The following NCKAP5 variants were observed in gnomAD, a reference collection of about 807,000 sequenced individuals.
The protein encoded by NCKAP5 is nck-associated protein 5.
NCKAP5 carries 92 observed loss-of-function variants against 167.0 expected under a neutral mutation model. The ratio of observed to expected loss-of-function variants is 0.55; its 90% confidence interval spans 0.47 to 0.66. NCKAP5 has a LOEUF of 0.66. NCKAP5 is among the 30% of genes least tolerant of loss of function. The probability of loss-of-function intolerance (pLI) is 0.00; values close to 1 mark genes in which losing one functional copy is unlikely to be tolerated. For synonymous variants in NCKAP5, 891 were observed against 877.4 expected (o/e 1.02, Z -0.27); for missense variants, 2,378 against 2,315.0 (o/e 1.03, Z -0.56).
At chr2:133,349,171 A>G (rs1000910878) in intron 3 of NCKAP5, among the ~76,000 whole-genome samples, 1 of 152,180 alleles carries the variant, frequency 6.6e-6, no homozygotes, top group Non-Finnish European at 1.5e-5. Flanking sequence ...CAAGGCCTAT[A>G]TTCCCCCATT....
chr2:133,318,980 T>C (rs1681820953), intron 3 of NCKAP5, among the ~76,000 whole-genome samples: 1 of 152,132 alleles, frequency 6.6e-6, no homozygotes, highest in Non-Finnish European at 1.5e-5. Flanking sequence ...ATGCAACTTC[T>C]CTGGCCTTTC....
intron 3 of NCKAP5, among the ~76,000 whole-genome samples, chr2:133,440,777 C>T (rs1690797056): frequency 1.3e-5 from 2 of 148,330 alleles, no homozygotes; most frequent in South Asian, 2.2e-4. Context: ...GTATGGTGCT[C>T]ATTGGCTTGG....
Position 133,519,483 on chromosome 2 carries a change from C to T in NCKAP5, c.-61-1896G>A, listed in dbSNP as rs188561944. Among the ~76,000 whole-genome samples the T allele has an allele frequency of 3.0e-4, 46 of 152,264 alleles. No homozygotes were observed. In the East Asian group the frequency reaches 8.3e-3, roughly 27 times the overall value. On this transcript the variant is annotated intron_variant, in intron 2 of 19. Coordinates refer to ENST00000409261, the MANE Select transcript of NCKAP5 (RefSeq NM_207363.3). ...TCCTGCCTACTTTGTAGCATTCTCC[C>T]TCTCCCCCAGTCTCAGTGACTGTAA...
chr2:132,788,755 C>A (rs1282821705), intron 13 of NCKAP5, among the ~76,000 whole-genome samples: 3 of 152,154 alleles, frequency 2.0e-5, no homozygotes, highest in Non-Finnish European at 2.9e-5. Flanking sequence ...TCAAAAAGCA[C>A]AATCAATAAT....
chr2:133,392,052 C>G (rs1413860538), intron 3 of NCKAP5, among the ~76,000 whole-genome samples: 1 of 152,188 alleles, frequency 6.6e-6, no homozygotes. Flanking sequence ...CACCCCATCC[C>G]ACATACACAC....
chr2:132,750,647 C>T (rs1423352281), intron 16 of NCKAP5, among the ~76,000 whole-genome samples: 1 of 151,970 alleles, frequency 6.6e-6, no homozygotes, highest in East Asian at 1.9e-4. Flanking sequence ...ATGCTGGAGG[C>T]CACATTAGAA....
chr2:133,649,342 CA>C, the NCKAP5 span, among the ~76,000 whole-genome samples: 17 of 151,464 alleles, frequency 1.1e-4, no homozygotes, highest in East Asian at 2.9e-3. Flanking sequence ...CAAACTCTTT[CA>C]AAAAACTGAA....
In NCKAP5 at chr2:133,209,108, A is replaced by G. The variant is rs555483458; in HGVS notation, c.207+4608T>C. The stretch of plus-strand genomic sequence containing the variant: ...ACTATAAAAGTTCTAGAAGATAATG[A>G]GAATGAATACCTTCATACTCTTGGG... On this transcript the variant is annotated intron_variant, in intron 5 of 19. Transcript: ENST00000409261. 3.9e-5 allele frequency among the ~76,000 whole-genome samples: 6 copies of G among 152,150 alleles called. No homozygotes were observed. In the East Asian group the frequency reaches 1.2e-3, roughly 29 times the overall value.
At chr2:132,778,650 A>G (rs1284018464) in intron 15 of NCKAP5, among the ~76,000 whole-genome samples, 2 of 152,178 alleles carry the variant, frequency 1.3e-5, no homozygotes, top group African/African-American at 2.4e-5. Context: ...AATAACTTCT[A>G]TGAAAACAAT....
intron 4 of NCKAP5, among the ~76,000 whole-genome samples, chr2:133,250,456 C>T (rs972689325): frequency 3.9e-5 from 6 of 152,080 alleles, no homozygotes; most frequent in African/African-American, 1.4e-4. Flanking sequence ...GTACCCACCA[C>T]CAGCTTAGGG....
intron 19 of NCKAP5, among the ~76,000 whole-genome samples, chr2:132,695,161 G>A (rs747720180): frequency 6.6e-6 from 1 of 152,118 alleles, no homozygotes; most frequent in Non-Finnish European, 1.5e-5. Context: ...CCATCACAAT[G>A]GGGATGAGGT....
At chr2:132,795,820 G>GAAAAAAA (rs55826486) in intron 12 of NCKAP5, among the ~76,000 whole-genome samples, 23 of 85,048 alleles carry the variant, frequency 2.7e-4, no homozygotes, top group East Asian at 9.5e-4. Flanking sequence ...CCCCGTATCA[G>GAAAAAAA]AAAAAAAAAA....
intron 8 of NCKAP5, among the ~76,000 whole-genome samples, chr2:132,951,394 CA>C (rs1352490765): frequency 1.3e-5 from 2 of 152,032 alleles, no homozygotes; most frequent in African/African-American, 2.4e-5. Context: ...GAGTAATTAC[CA>C]AAACTAAGAC....
chr2:132,974,072 A>C (rs894701551), intron 7 of NCKAP5, among the ~76,000 whole-genome samples: 1 of 152,168 alleles, frequency 6.6e-6, no homozygotes, highest in Non-Finnish European at 1.5e-5. Flanking sequence ...TCTGTTTCCA[A>C]CTCACTCATT....
At chr2:132,826,247 C>T (rs920406371) in intron 11 of NCKAP5, among the ~76,000 whole-genome samples, 16 of 152,072 alleles carry the variant, frequency 1.1e-4, no homozygotes, top group Admixed American at 1.0e-3. Flanking sequence ...TAGTTATGGT[C>T]CCTTTTAAAG....
chr2:133,580,500 C>T, the NCKAP5 span, among the ~76,000 whole-genome samples: 1 of 152,134 alleles, frequency 6.6e-6, no homozygotes, highest in African/African-American at 2.4e-5. Flanking sequence ...AAATGGACAG[C>T]TTTAATAATT....
intron 6 of NCKAP5, among the ~76,000 whole-genome samples, chr2:133,005,616 C>T (rs976388049): frequency 5.3e-5 from 8 of 151,998 alleles, no homozygotes; most frequent in Non-Finnish European, 5.9e-5. Flanking sequence ...TCTCTGATAC[C>T]ACGCAAAAAG....
intron 5 of NCKAP5, among the ~76,000 whole-genome samples, chr2:133,177,375 G>A (rs2164057): frequency 0.35 from 53,526 of 151,674 alleles, 10,568 homozygotes; most frequent in East Asian, 0.73. Context: ...TGAAGGCCCT[G>A]GACCAAACCA....
chr2:133,263,953 A>C (rs914945087), intron 4 of NCKAP5, among the ~76,000 whole-genome samples: 1 of 152,118 alleles, frequency 6.6e-6, no homozygotes, highest in African/African-American at 2.4e-5. Context: ...TTGCCTACTC[A>C]TTTTGCTTAA....
Sources: allele counts gnomAD v4.1 joint callset (sites outside exome capture counted in the v4.1 genomes callset), GRCh38; gene constraint gnomAD v4.1.1; transcripts MANE v1.5; gene names NCBI Gene and HGNC (gene_info 2026-07-23, HGNC 2026-07-21).